The following NPSR1 variants were observed in gnomAD, a reference collection of about 807,000 sequenced individuals.
The protein encoded by NPSR1 is neuropeptide S receptor 1, also known as neuropeptide S receptor.
In NPSR1, 48 loss-of-function variants were observed where a neutral mutation model predicts 46.9. The observed-to-expected ratio is 1.02, with a 90% CI of 0.81 to 1.30. NPSR1 has a LOEUF of 1.30. NPSR1 is among the 50% of genes most tolerant of loss of function. The pLI, the probability that NPSR1 is intolerant of heterozygous loss-of-function variation, is 0.00. For missense variants in NPSR1, 450 were observed against 449.5 expected, an observed-to-expected ratio of 1.00 and a Z score of -0.01; for synonymous variants, 176 against 168.1, an observed-to-expected ratio of 1.05 and a Z score of -0.36.
At chr7:34,769,132 T>C (rs1054907879) in intron 2 of NPSR1, among the ~76,000 whole-genome samples, 1 of 152,196 alleles carries the variant, frequency 6.6e-6, no homozygotes, top group African/African-American at 2.4e-5. Flanking sequence ...TTTTTCTTCC[T>C]TTTTTCCTTC....
At chr7:34,770,755 G>C (rs1030846555) in intron 2 of NPSR1, among the ~76,000 whole-genome samples, 4 of 152,178 alleles carry the variant, frequency 2.6e-5, no homozygotes, top group Non-Finnish European at 2.9e-5. Flanking sequence ...GTGATGGAAT[G>C]CCACAGACTG....
At chr7:34,668,334 T>C (rs1791861330) in intron 1 of NPSR1, among the ~76,000 whole-genome samples, 1 of 152,254 alleles carries the variant, frequency 6.6e-6, no homozygotes, top group African/African-American at 2.4e-5. Flanking sequence ...CCCATGCAGA[T>C]AGAAGATATT....
At chr7:34,848,856 G>A (rs1387208392) in intron 8 of NPSR1, among the ~76,000 whole-genome samples, 193 bp downstream of exon 8, 1 of 152,202 alleles carries the variant, frequency 6.6e-6, no homozygotes, top group Non-Finnish European at 1.5e-5. Flanking sequence ...CAGCTGATGT[G>A]CTTTTTCCTA....
At chr7:34,789,317 G>C (rs538099614) in intron 3 of NPSR1, among the ~76,000 whole-genome samples, 1 of 151,896 alleles carries the variant, frequency 6.6e-6, no homozygotes, top group Non-Finnish European at 1.5e-5. Flanking sequence ...AAAACAAATG[G>C]AGAATAGAAA....
intron 3 of NPSR1, among the ~76,000 whole-genome samples, chr7:34,796,166 G>A (rs1184048172): frequency 6.6e-6 from 1 of 151,968 alleles, no homozygotes; most frequent in Non-Finnish European, 1.5e-5. Flanking sequence ...TTTAACAAAT[G>A]GTGCTGAAAC....
chr7:34,871,999 G>A (rs1001749815), intron 8 of NPSR1, among the ~76,000 whole-genome samples: 2 of 151,828 alleles, frequency 1.3e-5, no homozygotes, highest in African/African-American at 2.4e-5. Context: ...CTGTGTAGAG[G>A]CTCCAATCCC....
chr7:34,789,042 C>T (rs75880264), intron 3 of NPSR1, among the ~76,000 whole-genome samples: 2,701 of 151,822 alleles, frequency 0.018, 93 homozygotes, highest in African/African-American at 0.062. Flanking sequence ...AGAGACTCCT[C>T]AACAATCAAT....
chr7:34,873,316 G>A (rs1482817008), intron 8 of NPSR1, among the ~76,000 whole-genome samples: 1 of 151,606 alleles, frequency 6.6e-6, no homozygotes, highest in Non-Finnish European at 1.5e-5. Context: ...TCCAATGCTG[G>A]ATCCACATTT....
intron 2 of NPSR1, among the ~76,000 whole-genome samples, chr7:34,729,949 T>C (rs748306817): frequency 1.7e-4 from 26 of 152,158 alleles, no homozygotes; most frequent in Admixed American, 1.3e-3. Context: ...CAATGTTTAT[T>C]TTTTAGTAGC....
chr7:34,781,206 A>C (rs1273676633), intron 3 of NPSR1, among the ~76,000 whole-genome samples: 1 of 152,132 alleles, frequency 6.6e-6, no homozygotes, highest in Non-Finnish European at 1.5e-5. Flanking sequence ...TCATGCTCCA[A>C]CATTCACACA....
chr7:34,674,980 C>A (rs1342084915), intron 1 of NPSR1, among the ~76,000 whole-genome samples: 1 of 152,126 alleles, frequency 6.6e-6, no homozygotes, highest in Non-Finnish European at 1.5e-5. Context: ...TATCTTAAAC[C>A]AAAATTGGGG....
At chr7:34,825,990 T>C (rs1789816314) in intron 4 of NPSR1, among the ~76,000 whole-genome samples, 1 of 152,176 alleles carries the variant, frequency 6.6e-6, no homozygotes, top group African/African-American at 2.4e-5. Flanking sequence ...TTGGGGTTTT[T>C]TTATTGTTAT....
chr7:34,713,632 G>A (rs1783411412), intron 2 of NPSR1, among the ~76,000 whole-genome samples: 1 of 152,180 alleles, frequency 6.6e-6, no homozygotes, highest in Non-Finnish European at 1.5e-5. Flanking sequence ...AATATTTAGA[G>A]GCTGGTGTTT....
At chr7:34,804,937 T>C (rs1788618325) in intron 3 of NPSR1, among the ~76,000 whole-genome samples, 1 of 151,772 alleles carries the variant, frequency 6.6e-6, no homozygotes, top group South Asian at 2.1e-4. Context: ...ACAATACCAT[T>C]TATGTGAACA....
chr7:34,770,401 C>T (rs748025578), intron 2 of NPSR1, among the ~76,000 whole-genome samples: 4 of 152,154 alleles, frequency 2.6e-5, no homozygotes, highest in Non-Finnish European at 4.4e-5. Context: ...AAGCTTTTGA[C>T]ACTTTGGATT....
chr7:34,683,872 C>T (rs1047983993), intron 1 of NPSR1, among the ~76,000 whole-genome samples: 7 of 152,248 alleles, frequency 4.6e-5, no homozygotes, highest in South Asian at 4.1e-4. Context: ...CATATAAACC[C>T]TTGGAGGACA....
In NPSR1 at chr7:34,861,955, T is replaced by C. The variant is rs183497571; in HGVS notation, c.1025+13292T>C. ...TCAACTCCTAAGCCCATGCTCAGTTTAAGCCTGTGGTGATCCTCAGTGATC... is the reference window on the plus strand; with the variant it reads ...TCAACTCCTAAGCCCATGCTCAGTTCAAGCCTGTGGTGATCCTCAGTGATC... On this transcript the variant is annotated intron_variant, in intron 8 of 8. Coordinates refer to the NPSR1 transcript ENST00000359791. Among the ~76,000 whole-genome samples the C allele has an allele frequency of 1.1e-4, 16 of 151,988 alleles. 1 individual carries two copies.
At chr7:34,727,745 A>C (rs1248391672) in intron 2 of NPSR1, among the ~76,000 whole-genome samples, 1 of 152,220 alleles carries the variant, frequency 6.6e-6, no homozygotes, top group Non-Finnish European at 1.5e-5. Flanking sequence ...TTTTATTTGT[A>C]TAAAGCCTTG....
intron 2 of NPSR1, chr7:34,750,931 C>G (rs1785488886): frequency 1.3e-6 from 1 of 746,720 alleles, no homozygotes; most frequent in Non-Finnish European, 2.5e-6. Flanking sequence ...AGCTCGGGGT[C>G]TGACAGGTGG....
Sources: gnomAD v4.1 joint callset for allele counts (sites outside exome capture counted in the v4.1 genomes callset) on GRCh38, gnomAD v4.1.1 for gene constraint, MANE v1.5 for transcripts, NCBI Gene and HGNC (gene_info 2026-07-23, HGNC 2026-07-21) for gene names.